FCN1: variants seen among roughly 807,000 people sequenced by gnomAD.
FCN1 encodes the protein ficolin-1.
Under a neutral mutation model 35.6 loss-of-function variants are expected in FCN1, and 42 were observed. The observed-to-expected ratio is 1.18, with a 90% CI of 0.92 to 1.53. The LOEUF (loss-of-function observed/expected upper bound fraction) is 1.53. Among genes scored for constraint, FCN1 ranks in the 40% most tolerant of loss-of-function variants. The probability of loss-of-function intolerance (pLI) is 0.00; values close to 1 mark genes in which losing one functional copy is unlikely to be tolerated. For synonymous variants in FCN1, 179 were observed against 169.8 expected (o/e 1.05, Z -0.42); for missense variants, 439 against 428.4 (o/e 1.02, Z -0.22).
intron 2 of FCN1, among the ~76,000 whole-genome samples, chr9:134,915,132 C>T (rs1831076360): frequency 6.6e-6 from 1 of 152,348 alleles, no homozygotes; most frequent in Middle Eastern, 3.4e-3. Context: ...CAGAGCTCTA[C>T]TGCCTAGCAA....
At chr9:134,910,148 G>T in intron 8 of FCN1, 103 bp from the exon 9 acceptor site, 1 of 1,097,000 alleles carries the variant, frequency 9.1e-7, no homozygotes. Context: ...TCACTTTAGC[G>T]ACGCATGAGC....
chr9:134,905,318 G>T lies in FCN1; in HGVS notation c.*4480C>A, dbSNP rs760028816. Among the ~76,000 whole-genome samples the T allele has an allele frequency of 5.3e-5, 8 of 152,178 alleles. No individual in the cohort carries two copies. Among genetic ancestry groups the T allele is most frequent in the Non-Finnish European group, 8.8e-5 (6 of 68,028 alleles). Reference sequence around the variant, plus strand: ...CCACGCCTACACTCCTACTTGAGAGGTCCCATGGCCAGGAAGAAGAGCACT... The same window carrying T: ...CCACGCCTACACTCCTACTTGAGAGTTCCCATGGCCAGGAAGAAGAGCACT... On this transcript the variant is annotated 3_prime_UTR_variant, in exon 9 of 9. Transcript: ENST00000371806.
In FCN1 at chr9:134,917,627, T is replaced by C. The variant is rs137914562; in HGVS notation, c.103+142A>G. The C allele has an allele frequency of 1.9e-3, 1,189 of 610,912 alleles. 17 individuals carry two copies. Among genetic ancestry groups the C allele is most frequent in the South Asian group, 0.017 (926 of 54,484 alleles). 37.8% of individuals were successfully genotyped at this position (610,912 alleles called of 1,614,324 possible). ...ATGCCTCAGCTGCCCTGAGCCTCCA[T>C]GTCCTTGCCTGAGGATAAAACAGAT... is the stretch of plus-strand genomic sequence containing the variant. On this transcript the variant is annotated intron_variant, in intron 1 of 8. Transcript: ENST00000371806.
At position 134,912,520 on chromosome 9, in the gene FCN1, C is replaced by T; in HGVS notation, c.564G>A (p.Leu188=). The stretch of plus-strand genomic sequence containing the variant: ...TCAGGGCGTGGATGTTGTCATTCCC[C>T]AGCCAGAACTCCCCCAGCTGACTGC... ...GFGSQLGEFW[L]GNDNIHALTA... The change falls in exon 7 of 9, where the codon CTG becomes CTA. Residue 188 remains leucine (L), a synonymous_variant. Coordinates refer to ENST00000371806, the MANE Select transcript of FCN1 (RefSeq NM_002003.5). 2 of 1,614,066 alleles carry T rather than the reference C, an allele frequency of 1.2e-6. No homozygotes were observed. The highest frequency in any genetic ancestry group is 2.2e-5 in the East Asian group (1 of 44,866).
rs1179461436 is a variant in FCN1 at position 134,917,854 on chromosome 9, G to A, written c.18C>T (p.Ala6=). ...GGACAGCGAGCCCCCGGGCCATGGT[G>A]GCTCCACTCAGCTCCATGCTCTCTG... MELSG[A]TMARGLAVLL... is the part of the protein sequence containing the mutation. The change falls in exon 1 of 9, where the codon GCC becomes GCT. Residue 6 remains alanine (A), a synonymous_variant. Coordinates refer to ENST00000371806, the MANE Select transcript of FCN1 (RefSeq NM_002003.5). 1.9e-6 allele frequency: 3 copies of A among 1,613,440 alleles called. No individual in the cohort carries two copies. The highest frequency in any genetic ancestry group is 4.5e-5 in the East Asian group (2 of 44,880).
intron 7 of FCN1, among the ~76,000 whole-genome samples, chr9:134,911,812 G>C (rs898920550): frequency 3.9e-5 from 6 of 152,230 alleles, no homozygotes; most frequent in Non-Finnish European, 5.9e-5. Context: ...TGCCCCACTG[G>C]AGTTCACTGG....
intron 2 of FCN1, 51 bp downstream of exon 2, chr9:134,916,297 A>G: frequency 7.3e-7 from 1 of 1,365,844 alleles, no homozygotes; most frequent in Non-Finnish European, 1.0e-6. Flanking sequence ...CATAAAGAGC[A>G]AGAGCCAGTG....
At chr9:134,910,625 C>T (rs867010778) in intron 8 of FCN1, among the ~76,000 whole-genome samples, 30 of 152,334 alleles carry the variant, frequency 2.0e-4, no homozygotes, top group Admixed American at 4.6e-4. Context: ...ATTTCCAAGG[C>T]TCCCCTGGGA....
Position 134,912,608 on chromosome 9 carries a change from T to TA in FCN1, c.475_476insT (p.Gln159LeufsTer33). 1 of 1,614,072 alleles carries TA rather than the reference T, an allele frequency of 6.2e-7. No homozygotes were observed. The highest frequency in any genetic ancestry group is 1.6e-4 in the Middle Eastern group (1 of 6,062). ...GTCCACAGAGCCATCCATCCTCCGC[T>TA]GGAAAACCTGTGAAGAAGCCAGGAT... On this transcript the variant is annotated frameshift_variant, in exon 7 of 9. Coordinates refer to ENST00000371806, the MANE Select transcript of FCN1 (RefSeq NM_002003.5). LOFTEE classifies it high-confidence loss of function.
chr9:134,904,589 G>A lies in FCN1; in HGVS notation c.*5209C>T, dbSNP rs1450248858. Reference sequence around the variant, plus strand: ...AGGTCAGGAGTTCAAGAGCAGCCTGGCTAACATGGCGAAACCCCATCTCTA... The same window carrying A: ...AGGTCAGGAGTTCAAGAGCAGCCTGACTAACATGGCGAAACCCCATCTCTA... On this transcript the variant is annotated 3_prime_UTR_variant, in exon 9 of 9. Transcript: ENST00000371806. Among the ~76,000 whole-genome samples, 1 of 152,068 alleles carries A rather than the reference G, an allele frequency of 6.6e-6. No individual in the cohort carries two copies. Among genetic ancestry groups the A allele is most frequent in the African/African-American group, 2.4e-5 (1 of 41,406 alleles).
At position 134,905,685 on chromosome 9, in the gene FCN1, C is replaced by T. The variant is rs948216304; in HGVS notation, c.*4113G>A. Among the ~76,000 whole-genome samples, 14 of 151,740 alleles carry T rather than the reference C, an allele frequency of 9.2e-5. No homozygotes were observed. The highest frequency in any genetic ancestry group is 2.1e-4 in the South Asian group (1 of 4,786). ...ATTTTTAGTAGAGACGGGGTTTCAT[C>T]ATGTTAGCCAGGATGGTCTTGATCT... On this transcript the variant is annotated 3_prime_UTR_variant, in exon 9 of 9. Coordinates refer to ENST00000371806, the MANE Select transcript of FCN1 (RefSeq NM_002003.5).
Position 134,905,313 on chromosome 9 carries a change from G to A in FCN1, c.*4485C>T, listed in dbSNP as rs1031447555. Among the ~76,000 whole-genome samples the A allele has an allele frequency of 6.6e-6, 1 of 152,206 alleles. No individual in the cohort carries two copies. The highest frequency in any genetic ancestry group is 1.5e-5 in the Non-Finnish European group (1 of 68,040). On this transcript the variant is annotated 3_prime_UTR_variant, in exon 9 of 9. Coordinates refer to ENST00000371806, the MANE Select transcript of FCN1 (RefSeq NM_002003.5). ...TGGGCCCACGCCTACACTCCTACTTGAGAGGTCCCATGGCCAGGAAGAAGA... is the reference window on the plus strand; with the variant it reads ...TGGGCCCACGCCTACACTCCTACTTAAGAGGTCCCATGGCCAGGAAGAAGA...
intron 8 of FCN1, 74 bp downstream of exon 8, chr9:134,911,059 C>A: frequency 6.6e-7 from 1 of 1,522,682 alleles, no homozygotes. Context: ...CCCAAGGTCA[C>A]CAGGGGAGAC....
In FCN1 at chr9:134,909,091, C is replaced by T. The variant is rs926055879; in HGVS notation, c.*707G>A. 12 of 695,868 alleles carry T rather than the reference C, an allele frequency of 1.7e-5. No individual in the cohort carries two copies. Among genetic ancestry groups the T allele is most frequent in the South Asian group, 1.3e-4 (7 of 55,342 alleles). 43.1% of individuals were successfully genotyped at this position (695,868 alleles called of 1,614,324 possible). ...GTGCAGCTTTTCCCACTGAGGTCCG[C>T]GGTCCCCTCTAGCTGAGGTCTGTGT... On this transcript the variant is annotated 3_prime_UTR_variant, in exon 9 of 9. Coordinates refer to ENST00000371806, the MANE Select transcript of FCN1 (RefSeq NM_002003.5).
In FCN1 at chr9:134,914,832, A is replaced by G. The variant is rs143675244; in HGVS notation, c.218-23T>C. 3.1e-3 allele frequency: 4,966 copies of G among 1,598,876 alleles called. 18 individuals are homozygous for G. Among genetic ancestry groups the G allele is most frequent in the Non-Finnish European group, 3.8e-3 (4,419 of 1,167,902 alleles). On this transcript the variant is annotated intron_variant, in intron 2 of 8. Transcript: ENST00000371806. ...CTCCTGAAAATTCCAAAGACATATC[A>G]CTGAGAAAAATGCAACCTAAACAAT...
chr9:134,911,324 G>T, intron 7 of FCN1, 57 bp from the exon 8 acceptor site: 3 of 1,466,688 alleles, frequency 2.0e-6, no homozygotes, highest in Non-Finnish European at 1.9e-6. Context: ...CACCAGGCAT[G>T]AGGGCTGGGG....
rs1400199490 is a variant in FCN1 at position 134,904,039 on chromosome 9, A to G, written c.*5759T>C. On this transcript the variant is annotated 3_prime_UTR_variant, in exon 9 of 9. Coordinates refer to ENST00000371806, the MANE Select transcript of FCN1 (RefSeq NM_002003.5). ...AGAGACATATGAGACACGAGCAAACATTGGCCATTGGTGTAACTGAAATAT... is the reference window on the plus strand; with the variant it reads ...AGAGACATATGAGACACGAGCAAACGTTGGCCATTGGTGTAACTGAAATAT... 6.6e-6 allele frequency among the ~76,000 whole-genome samples: 1 copy of G among 152,208 alleles called. No homozygotes were observed. Among genetic ancestry groups the G allele is most frequent in the African/African-American group, 2.4e-5 (1 of 41,454 alleles).
rs1830984975 is a variant in FCN1 at position 134,908,809 on chromosome 9, T to C, written c.*989A>G. ...TACTGAGCCAGGAGGTGGCGAGTTC[T>C]TGTTGTTTCAAGCCACTCCATTTGT... On this transcript the variant is annotated 3_prime_UTR_variant, in exon 9 of 9. Transcript: ENST00000371806. 5.3e-6 allele frequency: 1 copy of C among 188,960 alleles called. No individual in the cohort carries two copies. Among genetic ancestry groups the C allele is most frequent in the Non-Finnish European group, 1.1e-5 (1 of 90,470 alleles). The allele number at this position is 188,960 out of a possible 1,614,324, so 11.7% of individuals were successfully genotyped here.
rs750972506 is a variant in FCN1, at chr9:134,912,493, A to G, written c.591T>C (p.Thr197=). The G allele has an allele frequency of 5.4e-5, 87 of 1,613,778 alleles. No individual in the cohort carries two copies. The highest frequency in any genetic ancestry group is 7.3e-5 in the Non-Finnish European group (86 of 1,179,886). Residue 197 remains threonine (T), a synonymous_variant, in exon 7 of 9, where the codon ACT becomes ACC. Transcript: ENST00000371806. The stretch of plus-strand genomic sequence containing the variant: ...CCACGGCAGTGGCCCTACCCTGGGC[A>G]GTCAGGGCGTGGATGTTGTCATTCC... ...WLGNDNIHAL[T]AQGSSELRVD...
Sources: allele counts gnomAD v4.1 joint callset (sites outside exome capture counted in the v4.1 genomes callset), GRCh38; gene constraint gnomAD v4.1.1; transcripts MANE v1.5; gene names NCBI Gene and HGNC (gene_info 2026-07-23, HGNC 2026-07-21).